Variants in PKNOX2 observed in about 807,000 individuals in gnomAD.
PKNOX2 encodes the protein homeobox protein PKNOX2.
A neutral mutation model predicts 53.1 loss-of-function variants in PKNOX2; 14 were observed. That is an observed-to-expected ratio of 0.26 (90% CI 0.17 to 0.41). The LOEUF is 0.41. Ranked by LOEUF, PKNOX2 falls within the 10% of genes least tolerant of loss-of-function variation. PKNOX2 has a pLI of 1.00. For synonymous variants in PKNOX2, 257 were observed against 242.8 expected (o/e 1.06, Z -0.54); for missense variants, 496 against 602.8 (o/e 0.82, Z 1.85).
chr11:125,291,463 C>T (rs1947299953), intron 2 of PKNOX2, among the ~76,000 whole-genome samples: 1 of 152,176 alleles, frequency 6.6e-6, no homozygotes, highest in South Asian at 2.1e-4. Context: ...ACTGAGTCAT[C>T]TTCTTAAACC....
At chr11:125,225,153 C>T (rs760704590) in intron 1 of PKNOX2, among the ~76,000 whole-genome samples, 5 of 152,196 alleles carry the variant, frequency 3.3e-5, no homozygotes, top group African/African-American at 4.8e-5. Flanking sequence ...ATGTGCCTGC[C>T]CCAAAGGGGA....
chr11:125,227,136 T>A (rs185495459), intron 1 of PKNOX2, among the ~76,000 whole-genome samples: 104 of 152,300 alleles, frequency 6.8e-4, no homozygotes, highest in African/African-American at 2.4e-3. Flanking sequence ...AAATTTGCCA[T>A]CTTAAGCATT....
At chr11:125,415,007 C>T (rs918652526) in intron 10 of PKNOX2, among the ~76,000 whole-genome samples, 1 of 152,142 alleles carries the variant, frequency 6.6e-6, no homozygotes, top group Admixed American at 6.6e-5. Context: ...GAGTAACGGA[C>T]AGTACTGTGA....
chr11:125,420,769 A>T (rs1217958817), intron 10 of PKNOX2, among the ~76,000 whole-genome samples: 1 of 152,184 alleles, frequency 6.6e-6, no homozygotes, highest in East Asian at 1.9e-4. Context: ...GAGATTCAGC[A>T]TGCTGACTGT....
intron 1 of PKNOX2, among the ~76,000 whole-genome samples, chr11:125,178,577 G>GAAA (rs1565462257): frequency 3.8e-4 from 13 of 34,112 alleles, no homozygotes; most frequent in African/African-American, 2.4e-3. Context: ...AAGGAAGGAA[G>GAAA]GAAGGAAGGA....
intron 1 of PKNOX2, among the ~76,000 whole-genome samples, chr11:125,199,385 G>T (rs546030578): frequency 6.6e-6 from 1 of 152,186 alleles, no homozygotes; most frequent in South Asian, 2.1e-4. Flanking sequence ...CTTCACTGAG[G>T]TCCAGGTGCT....
chr11:125,217,759 A>C (rs145201797), intron 1 of PKNOX2, among the ~76,000 whole-genome samples: 17 of 152,298 alleles, frequency 1.1e-4, no homozygotes, highest in African/African-American at 3.8e-4. Context: ...AGGAGGGGGA[A>C]TATTACAGCT....
At position 125,231,723 on chromosome 11, in the gene PKNOX2, G is replaced by GGT. The variant is rs752521063; in HGVS notation, c.-200-3306_-200-3305dup. ...CTTACACACACAGGTGTGTGTGGGG[G>GGT]GTGTGTGTGTGTGTGTGGAGAGAGA... On this transcript the variant is annotated intron_variant, in intron 1 of 12. Coordinates refer to ENST00000298282, the MANE Select transcript of PKNOX2 (RefSeq NM_001382323.2). Among the ~76,000 whole-genome samples the GGT allele has an allele frequency of 7.9e-4, 120 of 151,146 alleles. No individual in the cohort carries two copies. In the East Asian group the frequency reaches 0.01, roughly 13 times the overall value.
In PKNOX2 at chr11:125,312,837, G is replaced by A. The variant is rs181132848; in HGVS notation, c.-129-18982G>A. 2.5e-3 allele frequency among the ~76,000 whole-genome samples: 374 copies of A among 152,346 alleles called. 6 individuals are homozygous for A. The highest frequency in any genetic ancestry group is 4.3e-4 in the Non-Finnish European group (29 of 68,032). Reference sequence around the variant, plus strand: ...GCCAGGATGATCAGACAAGGTTTCCGAGGGAAGATACCCTGAGTTGAGCCT... The same window carrying A: ...GCCAGGATGATCAGACAAGGTTTCCAAGGGAAGATACCCTGAGTTGAGCCT... On this transcript the variant is annotated intron_variant, in intron 2 of 12. Coordinates refer to ENST00000298282, the MANE Select transcript of PKNOX2 (RefSeq NM_001382323.2).
intron 1 of PKNOX2, among the ~76,000 whole-genome samples, chr11:125,175,954 A>G (rs1955678764): frequency 6.6e-6 from 1 of 152,298 alleles, no homozygotes; most frequent in African/African-American, 2.4e-5. Context: ...ATTTCTTATT[A>G]GTTTAAAATA....
At chr11:125,418,673 C>T (rs1023258703) in intron 10 of PKNOX2, among the ~76,000 whole-genome samples, 5 of 152,016 alleles carry the variant, frequency 3.3e-5, no homozygotes, top group East Asian at 1.9e-4. Flanking sequence ...ACCTCCCCTG[C>T]GCAGAGCATT....
At chr11:125,319,132 A>G (rs1949373218) in intron 2 of PKNOX2, among the ~76,000 whole-genome samples, 1 of 152,310 alleles carries the variant, frequency 6.6e-6, no homozygotes, top group South Asian at 2.1e-4. Context: ...AGTGAGAAAC[A>G]TGGGACTCCT....
chr11:125,379,389 C>A (rs988550385), intron 5 of PKNOX2, among the ~76,000 whole-genome samples: 13 of 152,158 alleles, frequency 8.5e-5, no homozygotes, highest in Middle Eastern at 3.4e-3. Context: ...TTTTTTGAGT[C>A]TTTTAATAAA....
intron 2 of PKNOX2, among the ~76,000 whole-genome samples, chr11:125,283,047 GA>G (rs1301180673): frequency 6.6e-6 from 1 of 152,134 alleles, no homozygotes; most frequent in African/African-American, 2.4e-5. Context: ...AGCTACTCGG[GA>G]GGCTGAGGCA....
intron 2 of PKNOX2, among the ~76,000 whole-genome samples, chr11:125,269,246 C>T (rs1419219686): frequency 1.3e-5 from 2 of 151,964 alleles, no homozygotes; most frequent in Non-Finnish European, 2.9e-5. Context: ...TCAAGATGTC[C>T]CCCTCTCTCC....
intron 2 of PKNOX2, among the ~76,000 whole-genome samples, chr11:125,262,582 T>C (rs79447088): frequency 0.02 from 3,040 of 152,086 alleles, 107 homozygotes; most frequent in African/African-American, 0.069. Flanking sequence ...GCTCCACCTT[T>C]GCCCTGCTCC....
chr11:125,418,769 A>G (rs1008522241), intron 10 of PKNOX2, among the ~76,000 whole-genome samples: 1 of 151,980 alleles, frequency 6.6e-6, no homozygotes, highest in African/African-American at 2.4e-5. Context: ...GATTGAAAAT[A>G]TATCTTTAAG....
intron 2 of PKNOX2, among the ~76,000 whole-genome samples, chr11:125,245,115 A>T (rs745330005): frequency 6.6e-6 from 1 of 152,226 alleles, no homozygotes; most frequent in Non-Finnish European, 1.5e-5. Context: ...GAGACCTTCC[A>T]TGCTGGAAGG....
rs116241508 is a variant in PKNOX2 at position 125,326,521 on chromosome 11, C to A, written c.-129-5298C>A. ...ATTTTGTCTTTTAGGCCCTGGCAAG[C>A]CATTGTAGACTTTTGAGCAGAGGAG... is the stretch of plus-strand genomic sequence containing the variant. On this transcript the variant is annotated intron_variant, in intron 2 of 12. Transcript: ENST00000298282. 6.0e-3 allele frequency among the ~76,000 whole-genome samples: 918 copies of A among 152,288 alleles called. 19 individuals carry two copies. Among genetic ancestry groups the A allele is most frequent in the African/African-American group, 0.021 (865 of 41,552 alleles).
Sources: allele counts gnomAD v4.1 joint callset (sites outside exome capture counted in the v4.1 genomes callset), GRCh38; gene constraint gnomAD v4.1.1; transcripts MANE v1.5; gene names NCBI Gene and HGNC (gene_info 2026-07-23, HGNC 2026-07-21).